Variants in DNAI3 observed in about 807,000 individuals in gnomAD.
The protein encoded by DNAI3 is WD repeat domain 63.
DNAI3 carries 83 observed loss-of-function variants against 115.5 expected under a neutral mutation model. The ratio of observed to expected loss-of-function variants is 0.72; its 90% CI spans 0.60 to 0.86. The LOEUF is 0.86. Among genes scored for constraint, DNAI3 ranks in the 40% least tolerant of loss-of-function variants. The pLI, the probability that DNAI3 is intolerant of heterozygous loss-of-function variation, is 0.00. For synonymous variants in DNAI3, 320 were observed against 347.0 expected, an observed-to-expected ratio of 0.92 and a Z score of 0.86; for missense variants, 1,004 against 1,075.8, an observed-to-expected ratio of 0.93 and a Z score of 0.93.
At chr1:85,130,380 T>G (rs538913051) in intron 22 of DNAI3, among the ~76,000 whole-genome samples, 22 of 152,306 alleles carry the variant, frequency 1.4e-4, no homozygotes, top group Admixed American at 2.6e-4. Context: ...TTGAATGCTT[T>G]CATTATAGAA....
At chr1:85,084,462 G>T in intron 5 of DNAI3, 84 bp from the exon 6 acceptor site, 1 of 1,022,570 alleles carries the variant, frequency 9.8e-7, no homozygotes, top group Non-Finnish European at 1.2e-6. Context: ...TAAAAGTAAA[G>T]TTTGTTGCAA....
intron 17 of DNAI3, among the ~76,000 whole-genome samples, chr1:85,121,396 G>T (rs1223739311): frequency 6.6e-6 from 1 of 152,178 alleles, no homozygotes; most frequent in Non-Finnish European, 1.5e-5. Flanking sequence ...TTTCTAATGG[G>T]CTGAAAAGTA....
intron 15 of DNAI3, among the ~76,000 whole-genome samples, chr1:85,108,896 A>T (rs1655574589): frequency 6.6e-6 from 1 of 152,254 alleles, no homozygotes. Flanking sequence ...TGTGTGTAAT[A>T]ATTATCCAAT....
intron 13 of DNAI3, among the ~76,000 whole-genome samples, chr1:85,098,945 T>TGCAAATATTTTACACC (rs1655205889): frequency 6.6e-6 from 1 of 152,210 alleles, no homozygotes; most frequent in African/African-American, 2.4e-5. Flanking sequence ...AAAAATGAAC[T>TGCAAATATTTTACACC]GCAAATATTT....
chr1:85,104,468 A>C, intron 13 of DNAI3, 56 bp from the exon 14 acceptor site: 2 of 1,429,994 alleles, frequency 1.4e-6, no homozygotes, highest in South Asian at 1.2e-5. Context: ...AAGAATTTAA[A>C]AGGTAAATAG....
chr1:85,086,165 A>C, intron 7 of DNAI3, 135 bp downstream of exon 7: 1 of 801,064 alleles, frequency 1.2e-6, no homozygotes, highest in South Asian at 1.9e-5. Context: ...TCCACAGAGT[A>C]ATTCAATTCA....
At chr1:85,084,128 T>G (rs981053374) in intron 5 of DNAI3, among the ~76,000 whole-genome samples, 4 of 150,164 alleles carry the variant, frequency 2.7e-5, no homozygotes, top group African/African-American at 9.7e-5. Flanking sequence ...GTTGATTTTT[T>G]TTTTTTTACT....
At chr1:85,126,821 T>C in intron 20 of DNAI3, 106 bp downstream of exon 20, 2 of 1,196,390 alleles carry the variant, frequency 1.7e-6, no homozygotes, top group Middle Eastern at 2.4e-4. Flanking sequence ...TTTTTGTTTT[T>C]CTTCCTGCTC....
chr1:85,082,349 A>T lies in DNAI3; in HGVS notation c.335A>T (p.Tyr112Phe). 1 of 1,614,016 alleles carries T rather than the reference A, an allele frequency of 6.2e-7. No homozygotes were observed. ...LLLVYDKDFK[Y>F]GLNFYLIATE... ...CTTGTTTATGACAAAGACTTCAAAT[A>T]TGGACTTAACTTTTATCTTATTGCA... The change falls in exon 5 of 23, where the codon TAT becomes TTT. Residue 112 changes from tyrosine (Y) to phenylalanine (F), a missense_variant. Around this residue, in one of 3 missense-constraint regions of DNAI3, gnomAD observed 550 missense variants for 568.1 expected, o/e 0.97. Coordinates refer to ENST00000294664, the MANE Select transcript of DNAI3 (RefSeq NM_145172.5).
At position 85,082,377 on chromosome 1, in the gene DNAI3, T is replaced by C. The variant is rs773388305; in HGVS notation, c.363T>C (p.Thr121=). 2 of 1,613,640 alleles carry C rather than the reference T, an allele frequency of 1.2e-6. No homozygotes were observed. Among genetic ancestry groups the C allele is most frequent in the East Asian group, 2.2e-5 (1 of 44,882 alleles). Residue 121 remains threonine (T), a synonymous_variant, in exon 5 of 23, where the codon ACT becomes ACC. Transcript: ENST00000294664. ...KYGLNFYLIA[T]EEGKENYLNP... is the part of the protein sequence containing the mutation. ...GACTTAACTTTTATCTTATTGCAAC[T>C]GAAGAGGGCAAAGAAAACTATTTAA...
intron 3 of DNAI3, among the ~76,000 whole-genome samples, chr1:85,078,579 ATTGCTG>A (rs1654534227): frequency 6.6e-6 from 1 of 152,172 alleles, no homozygotes; most frequent in Non-Finnish European, 1.5e-5. Flanking sequence ...CAGTGGCCTC[ATTGCTG>A]TAGCCTATGG....
intron 21 of DNAI3, among the ~76,000 whole-genome samples, chr1:85,129,678 C>A (rs1187766241): frequency 6.6e-6 from 1 of 152,192 alleles, no homozygotes; most frequent in African/African-American, 2.4e-5. Context: ...TCCAACCCTA[C>A]TTTGGAAACC....
chr1:85,128,855 T>A, intron 21 of DNAI3, 56 bp downstream of exon 21: 1 of 1,492,452 alleles, frequency 6.7e-7, no homozygotes, highest in Non-Finnish European at 9.2e-7. Context: ...TGCTGAGATA[T>A]GTCTTTAAAA....
intron 16 of DNAI3, among the ~76,000 whole-genome samples, chr1:85,110,652 T>C (rs1655630704): frequency 6.6e-6 from 1 of 151,968 alleles, no homozygotes; most frequent in Non-Finnish European, 1.5e-5. Context: ...ACAAAAAAGA[T>C]TCAGTTCATT....
At chr1:85,081,823 T>C (rs1214932080) in intron 4 of DNAI3, among the ~76,000 whole-genome samples, 2 of 152,188 alleles carry the variant, frequency 1.3e-5, no homozygotes. Flanking sequence ...TTTGTTTTTA[T>C]AGAGACAGGG....
intron 6 of DNAI3, 122 bp from the exon 7 acceptor site, chr1:85,085,709 C>G: frequency 1.3e-6 from 1 of 760,194 alleles, no homozygotes; most frequent in Non-Finnish European, 2.2e-6. Flanking sequence ...GGAAAGCATG[C>G]AGAGCTGGAG....
Position 85,096,010 on chromosome 1 carries a change from T to A in DNAI3, c.1253T>A (p.Ile418Asn). The change falls in exon 11 of 23, where the codon ATC (isoleucine) becomes AAC (asparagine). Residue 418 changes from isoleucine (I) to asparagine (N), a missense_variant. Ile to Asn is a moderately radical substitution (Grantham distance 149, BLOSUM62 -3). This residue lies in a region of DNAI3 where 550 missense variants were observed against 568.1 expected (regional missense o/e 0.97). Coordinates refer to ENST00000294664, the MANE Select transcript of DNAI3 (RefSeq NM_145172.5). ...CCTAATATCATTGCTGGAGGCTGTA[T>A]CAATGGGCAGGTACTTAACAGAATT... ...SDPNIIAGGCINGQIVMWDIT... is the reference protein window; with the variant it reads ...SDPNIIAGGCNNGQIVMWDIT... 6.2e-7 allele frequency: 1 copy of A among 1,613,786 alleles called. No homozygotes were observed.
chr1:85,104,531 G>C lies in DNAI3; in HGVS notation c.1487G>C (p.Arg496Thr). Residue 496 changes from arginine to threonine, a missense_variant, in exon 14 of 23, where the codon AGA (arginine) becomes ACA (threonine). By Grantham distance (71) the Arg-to-Thr change is moderately conservative. Coordinates refer to ENST00000294664, the MANE Select transcript of DNAI3 (RefSeq NM_145172.5). Reference protein sequence around the residue: ...HWLSDTFEINRMGSVFENRSG... With the variant: ...HWLSDTFEINTMGSVFENRSG... ...TTCATTTTTGAAAAATAGATTAACAGAATGGGCTCCGTCTTTGAGAATCGA... is the reference window on the plus strand; with the variant it reads ...TTCATTTTTGAAAAATAGATTAACACAATGGGCTCCGTCTTTGAGAATCGA... 1 of 1,613,518 alleles carries C rather than the reference G, an allele frequency of 6.2e-7. No homozygotes were observed. Among genetic ancestry groups the C allele is most frequent in the East Asian group, 2.2e-5 (1 of 44,840 alleles).
chr1:85,068,962 C>T (rs7540706), intron 1 of DNAI3, among the ~76,000 whole-genome samples: 16,136 of 152,256 alleles, frequency 0.11, 1,123 homozygotes, highest in East Asian at 0.24. Context: ...ATAAGGCCTG[C>T]TTCTTCAGCC....
Sources: allele counts gnomAD v4.1 joint callset (sites outside exome capture counted in the v4.1 genomes callset), GRCh38; gene constraint gnomAD v4.1.1; regional missense constraint gnomAD v4.1.1; transcripts MANE v1.5; gene names NCBI Gene and HGNC (gene_info 2026-07-23, HGNC 2026-07-21).